SLC60A2: variants seen among roughly 807,000 people sequenced by gnomAD.
The protein encoded by SLC60A2 is solute carrier family 60 member 2, also known as major facilitator superfamily domain containing 4B.
the SLC60A2 span, chr6:111,268,396 A>G: frequency 6.6e-6 from 1 of 152,212 alleles, no homozygotes; most frequent in African/African-American, 2.4e-5. Flanking sequence ...GTTTTTTCCC[A>G]TATGTATATA....
chr6:111,272,827 A>T, the SLC60A2 span, among the ~76,000 whole-genome samples: 3 of 151,224 alleles, frequency 2.0e-5, no homozygotes, highest in Non-Finnish European at 1.5e-5. Flanking sequence ...CTAACTGTAT[A>T]TATATATGTG....
chr6:111,259,342 G>A, the SLC60A2 span: 1 of 297,014 alleles, frequency 3.4e-6, no homozygotes, highest in Non-Finnish European at 6.2e-6. Flanking sequence ...GCTTGCTGGA[G>A]AGCGAGCGTC....
chr6:111,265,397 C>T, the SLC60A2 span: 1 of 985,150 alleles, frequency 1.0e-6, no homozygotes, highest in Non-Finnish European at 1.2e-6. Flanking sequence ...CCTGGCTATT[C>T]AGGTTCCTGG....
the SLC60A2 span, among the ~76,000 whole-genome samples, chr6:111,277,257 C>G: frequency 6.6e-6 from 1 of 152,228 alleles, no homozygotes; most frequent in Non-Finnish European, 1.5e-5. Flanking sequence ...CCTGGTTCAT[C>G]TGCATCAGAA....
At chr6:111,262,262 G>A in the SLC60A2 span, 9 of 1,611,052 alleles carry the variant, frequency 5.6e-6, no homozygotes, top group Non-Finnish European at 7.6e-6. Flanking sequence ...TTTAGGGATT[G>A]AGTGTTGCTA....
chr6:111,277,891 C>T, the SLC60A2 span: 1 of 152,146 alleles, frequency 6.6e-6, no homozygotes, highest in Admixed American at 6.5e-5. Context: ...TTCAGTCCAG[C>T]CAAGAGAATA....
the SLC60A2 span, among the ~76,000 whole-genome samples, chr6:111,275,563 C>A: frequency 6.6e-6 from 1 of 151,996 alleles, no homozygotes; most frequent in Non-Finnish European, 1.5e-5. Context: ...GTGTGCACCA[C>A]CACGCCCAGC....
At chr6:111,275,206 T>G in the SLC60A2 span, among the ~76,000 whole-genome samples, 2 of 151,794 alleles carry the variant, frequency 1.3e-5, no homozygotes, top group East Asian at 3.9e-4. Flanking sequence ...GATACCCCAC[T>G]CTGTGACTAT....
chr6:111,265,933 C>G, the SLC60A2 span: 2 of 1,614,090 alleles, frequency 1.2e-6, no homozygotes, highest in Non-Finnish European at 8.5e-7. Context: ...CATATGCAGG[C>G]CTTACACTTC....
chr6:111,275,149 C>T, the SLC60A2 span, among the ~76,000 whole-genome samples: 1 of 151,316 alleles, frequency 6.6e-6, no homozygotes, highest in Middle Eastern at 3.4e-3. Context: ...AAATTCCTGG[C>T]TTCAAGCAAT....
the SLC60A2 span, among the ~76,000 whole-genome samples, chr6:111,263,028 C>A: frequency 6.6e-6 from 1 of 152,126 alleles, no homozygotes; most frequent in African/African-American, 2.4e-5. Flanking sequence ...ACCTCCCCCT[C>A]CTGGGCTCAA....
At chr6:111,271,581 T>TA in the SLC60A2 span, among the ~76,000 whole-genome samples, 2 of 151,374 alleles carry the variant, frequency 1.3e-5, no homozygotes, top group Non-Finnish European at 2.9e-5. Flanking sequence ...TTTATTTTTT[T>TA]AAAAAAACCT....
chr6:111,263,249 C>CT, the SLC60A2 span, among the ~76,000 whole-genome samples: 14 of 152,128 alleles, frequency 9.2e-5, no homozygotes, highest in South Asian at 2.9e-3. Flanking sequence ...TTAGCATATA[C>CT]TTTTTTTGAA....
At chr6:111,262,159 C>T in the SLC60A2 span, 1 of 955,574 alleles carries the variant, frequency 1.0e-6, no homozygotes, top group African/African-American at 1.7e-5. Flanking sequence ...ATCCCAGACC[C>T]TCCGCCCCCC....
At chr6:111,259,792 A>G in the SLC60A2 span, 1 of 1,488,760 alleles carries the variant, frequency 6.7e-7, no homozygotes, top group Non-Finnish European at 9.1e-7. Flanking sequence ...CCACTTGCAA[A>G]CTGACCTTGG....
At chr6:111,260,886 C>T in the SLC60A2 span, among the ~76,000 whole-genome samples, 1 of 152,248 alleles carries the variant, frequency 6.6e-6, no homozygotes, top group Non-Finnish European at 1.5e-5. Context: ...GAGGTGCTTG[C>T]TGTGCACCTG....
the SLC60A2 span, among the ~76,000 whole-genome samples, chr6:111,264,939 T>C: frequency 6.6e-6 from 1 of 150,914 alleles, no homozygotes; most frequent in African/African-American, 2.4e-5. Flanking sequence ...ACTAAAAATA[T>C]AAAATGAGCC....
chr6:111,272,509 ATTTT>A, the SLC60A2 span, among the ~76,000 whole-genome samples: 2 of 114,696 alleles, frequency 1.7e-5, no homozygotes, highest in Non-Finnish European at 3.7e-5. Context: ...TTCTAACTGT[ATTTT>A]TTTTTTTTTT....
the SLC60A2 span, among the ~76,000 whole-genome samples, chr6:111,275,940 C>T: frequency 0.41 from 62,253 of 152,028 alleles, 15,299 homozygotes; most frequent in Non-Finnish European, 0.55. Context: ...CCATTCTACG[C>T]CCCCATCCCA....
Sources: allele counts gnomAD v4.1 joint callset (sites outside exome capture counted in the v4.1 genomes callset), GRCh38; gene constraint gnomAD v4.1.1; transcripts MANE v1.5; gene names NCBI Gene and HGNC (gene_info 2026-07-23, HGNC 2026-07-21).